ZNF879: variants seen among roughly 807,000 people sequenced by gnomAD.
The protein encoded by ZNF879 is zinc finger protein 879.
A neutral mutation model predicts 44.3 loss-of-function variants in ZNF879; 32 were observed. That is an observed-to-expected ratio of 0.72 (90% CI 0.54 to 0.97). The LOEUF (loss-of-function observed/expected upper bound fraction) is 0.97, where lower values mean the gene tolerates loss of function less well. Among genes scored for constraint, ZNF879 ranks in the 50% least tolerant of loss-of-function variants. ZNF879 has a pLI of 0.00. For missense variants in ZNF879, 621 were observed against 669.7 expected (o/e 0.93, Z 0.80); for synonymous variants, 234 against 233.2 (o/e 1.00, Z -0.03).
At chr5:179,026,083 C>CAAAAAA (rs1337124096) in intron 2 of ZNF879, among the ~76,000 whole-genome samples, 1 of 58,076 alleles carries the variant, frequency 1.7e-5, no homozygotes, top group Non-Finnish European at 3.9e-5. Flanking sequence ...GACTCCATCT[C>CAAAAAA]AAAAAAAAAA....
rs1398329376 is a variant in ZNF879 at position 179,035,006 on chromosome 5, CA to C, written c.*1367del. Reference sequence around the variant, plus strand: ...GATCATGAGGTCAGGAGATCGAGACCATCCTGGCTAACATGGTGAAACCACG... The same window carrying C: ...GATCATGAGGTCAGGAGATCGAGACCTCCTGGCTAACATGGTGAAACCACG... On this transcript the variant is annotated 3_prime_UTR_variant, in exon 5 of 5. Transcript: ENST00000444149. 1 of 149,508 alleles carries C rather than the reference CA, an allele frequency of 6.7e-6. No homozygotes were observed. The highest frequency in any genetic ancestry group is 1.5e-5 in the Non-Finnish European group (1 of 67,770). 9.3% of individuals were successfully genotyped at this position (149,508 alleles called of 1,614,324 possible). A position where few individuals can be genotyped will look rare whatever the true frequency, so the allele number is the denominator to read the frequency against.
chr5:179,027,517 C>T lies in ZNF879; in HGVS notation c.78C>T (p.Asp26=), dbSNP rs745915589. 2.9e-5 allele frequency: 47 copies of T among 1,614,118 alleles called. No individual in the cohort carries two copies. The highest frequency in any genetic ancestry group is 8.0e-5 in the African/African-American group (6 of 75,030). ...ATGTGGCCGTGTTCTTCAGCCAGGA[C>T]GAGTGGTTGCACCTGGACTCTGCCC... ...FRDVAVFFSQ[D]EWLHLDSAQR... The change falls in exon 3 of 5, where the codon GAC becomes GAT. Residue 26 remains aspartate, a synonymous_variant. Transcript: ENST00000444149.
chr5:179,032,578 G>A lies in ZNF879; in HGVS notation c.630G>A (p.Gly210=), dbSNP rs1358552477. Residue 210 remains glycine (G), a synonymous_variant, in exon 5 of 5, where the codon GGG becomes GGA. Transcript: ENST00000444149. ...AATGTTATAAATGTAATATCTGTGG[G>A]AAAATCTTCCTCCACAGTTCCTCCC... ...VRKCYKCNIC[G]KIFLHSSSLS... is the part of the protein sequence containing the mutation. 2 of 1,553,722 alleles carry A rather than the reference G, an allele frequency of 1.3e-6. No homozygotes were observed. Among genetic ancestry groups the A allele is most frequent in the South Asian group, 2.4e-5 (2 of 84,166 alleles).
chr5:179,026,482 G>A (rs889146961), intron 2 of ZNF879, among the ~76,000 whole-genome samples: 8 of 151,892 alleles, frequency 5.3e-5, no homozygotes, highest in African/African-American at 1.2e-4. Flanking sequence ...AAGATGATTC[G>A]TTTTGTTTTG....
At position 179,034,381 on chromosome 5, in the gene ZNF879, A is replaced by T. The variant is rs978747553; in HGVS notation, c.*741A>T. 3.3e-5 allele frequency: 5 copies of T among 152,244 alleles called. No homozygotes were observed. The highest frequency in any genetic ancestry group is 5.9e-5 in the Non-Finnish European group (4 of 68,046). The allele number at this position is 152,244 out of a possible 1,614,324, so 9.4% of individuals were successfully genotyped here. A position where few individuals can be genotyped will look rare whatever the true frequency, so the allele number is the denominator to read the frequency against. On this transcript the variant is annotated 3_prime_UTR_variant, in exon 5 of 5. Transcript: ENST00000444149. ...AAATTGATAAGTAAAGGTCATTCAG[A>T]CAACCACTGCTTTTGCAATTTACTG...
In ZNF879 at chr5:179,028,066, G is replaced by A. The variant is rs1228536404; in HGVS notation, c.195G>A (p.Gln65=). Residue 65 remains glutamine, a synonymous_variant, in exon 4 of 5, where the codon CAG becomes CAA. Coordinates refer to ENST00000444149, the MANE Select transcript of ZNF879 (RefSeq NM_001136116.3). ...ILFSKPKVIS[Q]LEQGEDPWMV... ...TTTCCAAGCCAAAGGTCATCTCCCA[G>A]TTAGAGCAAGGAGAAGACCCCTGGA... 2 of 1,551,554 alleles carry A rather than the reference G, an allele frequency of 1.3e-6. No homozygotes were observed. The highest frequency in any genetic ancestry group is 3.9e-5 in the Admixed American group (2 of 50,990).
intron 4 of ZNF879, among the ~76,000 whole-genome samples, chr5:179,028,574 G>A (rs6867208): frequency 0.29 from 44,597 of 151,492 alleles, 7,177 homozygotes; most frequent in African/African-American, 0.43. Flanking sequence ...TCAAAAGGGG[G>A]AAAAAAGCAG....
intron 3 of ZNF879, 61 bp downstream of exon 3, chr5:179,027,660 G>T (rs1319551846): frequency 6.3e-7 from 1 of 1,582,506 alleles, no homozygotes; most frequent in East Asian, 2.3e-5. Flanking sequence ...CCCTCAGGGG[G>T]CACATTTGGA....
In ZNF879 at chr5:179,023,907, A is replaced by T. The variant is rs991242376; in HGVS notation, c.-36+3A>T. 1 of 152,494 alleles carries T rather than the reference A, an allele frequency of 6.6e-6. No individual in the cohort carries two copies. The highest frequency in any genetic ancestry group is 1.5e-5 in the Non-Finnish European group (1 of 68,298). The allele number at this position is 152,494 out of a possible 1,614,324, so 9.4% of individuals were successfully genotyped here. A position where few individuals can be genotyped will look rare whatever the true frequency, so the allele number is the denominator to read the frequency against. On this transcript the variant is annotated splice_donor_region_variant and intron_variant, in intron 1 of 4. Coordinates refer to ENST00000444149, the MANE Select transcript of ZNF879 (RefSeq NM_001136116.3). ...GCCCCCCGCCGAGGCGGGCCCAGGT[A>T]CAGGCTGCCGGTGAGGGCGGGCCCG...
At chr5:179,028,366 CAT>C (rs769031320) in intron 4 of ZNF879, among the ~76,000 whole-genome samples, 2 of 152,176 alleles carry the variant, frequency 1.3e-5, no homozygotes. Flanking sequence ...TACAGTATAT[CAT>C]GTGTAAAGGT....
Position 179,032,252 on chromosome 5 carries a change from G to C in ZNF879, c.304G>C (p.Glu102Gln). ...CATAGTTTCTAAAGAAGAAAATCAG[G>C]AAGTCATGAAAAAACTCATAATTGA... ...GTIVSKEENQ[E>Q]VMKKLIIDGT... The change falls in exon 5 of 5, where the codon GAA becomes CAA. Residue 102 changes from glutamate to glutamine, a missense_variant. Coordinates refer to ENST00000444149, the MANE Select transcript of ZNF879 (RefSeq NM_001136116.3). 1 of 1,532,796 alleles carries C rather than the reference G, an allele frequency of 6.5e-7. No homozygotes were observed. The allele number at this position is 1,532,796 out of a possible 1,614,324, so 94.9% of individuals were successfully genotyped here. A position where few individuals can be genotyped will look rare whatever the true frequency, so the allele number is the denominator to read the frequency against.
intron 2 of ZNF879, 68 bp from the exon 3 acceptor site, chr5:179,027,403 CAG>C: frequency 6.3e-7 from 1 of 1,584,170 alleles, no homozygotes; most frequent in East Asian, 2.3e-5. Flanking sequence ...TAAGTTGTGA[CAG>C]GGTTGCTTCT....
rs1404831100 is a variant in ZNF879 at position 179,034,288 on chromosome 5, CTT to C, written c.*650_*651del. 6.7e-6 allele frequency: 1 copy of C among 149,470 alleles called. No homozygotes were observed. The highest frequency in any genetic ancestry group is 2.6e-5 in the African/African-American group (1 of 38,854). The allele number at this position is 149,470 out of a possible 1,614,324, so 9.3% of individuals were successfully genotyped here. ...AAACTCTGAGTCAGATCTAAAGTCA[CTT>C]TAAGTCACAGAACGCATGGTATTTC... is the stretch of plus-strand genomic sequence containing the variant. On this transcript the variant is annotated 3_prime_UTR_variant, in exon 5 of 5. Transcript: ENST00000444149.
rs758560350 is a variant in ZNF879, at chr5:179,034,800, T to C, written c.*1160T>C. ...CTCACAAGTCAAAATTGTTGGGCTT[T>C]ACAGAGGCTAACATCTAGTTTAGCC... On this transcript the variant is annotated 3_prime_UTR_variant, in exon 5 of 5. Coordinates refer to ENST00000444149, the MANE Select transcript of ZNF879 (RefSeq NM_001136116.3). The C allele has an allele frequency of 2.0e-5, 3 of 152,216 alleles. No individual in the cohort carries two copies. The highest frequency in any genetic ancestry group is 2.9e-5 in the Non-Finnish European group (2 of 68,048). The allele number at this position is 152,216 out of a possible 1,614,324, so 9.4% of individuals were successfully genotyped here.
rs534611531 is a variant in ZNF879, at chr5:179,034,242, T to G, written c.*602T>G. On this transcript the variant is annotated 3_prime_UTR_variant, in exon 5 of 5. Coordinates refer to ENST00000444149, the MANE Select transcript of ZNF879 (RefSeq NM_001136116.3). Reference sequence around the variant, plus strand: ...TATGCAGACGTACTGTCTTTGCGTTTTCTTCCTGACTACTTGTTCCAAACT... The same window carrying G: ...TATGCAGACGTACTGTCTTTGCGTTGTCTTCCTGACTACTTGTTCCAAACT... 4.3e-4 allele frequency: 58 copies of G among 134,570 alleles called. No homozygotes were observed. Among genetic ancestry groups the G allele is most frequent in the African/African-American group, 1.4e-3 (57 of 40,844 alleles). 8.3% of individuals were successfully genotyped at this position (134,570 alleles called of 1,614,324 possible).
At position 179,033,164 on chromosome 5, in the gene ZNF879, G is replaced by T; in HGVS notation, c.1216G>T (p.Gly406Trp). The change falls in exon 5 of 5, where the codon GGG becomes TGG. Residue 406 changes from glycine to tryptophan, a missense_variant. Transcript: ENST00000444149. ...GEKPYACKECGKAFSQSSALI... is the reference protein window; with the variant it reads ...GEKPYACKECWKAFSQSSALI... ...GAAACCATATGCATGCAAAGAATGT[G>T]GGAAAGCCTTCAGCCAAAGCTCAGC... 6.3e-7 allele frequency: 1 copy of T among 1,590,900 alleles called. No individual in the cohort carries two copies.
chr5:179,032,896 T>C lies in ZNF879; in HGVS notation c.948T>C (p.Tyr316=). The part of the protein sequence containing the change: ...HQRIHTGEKP[Y]KCNECGRAFS... ...GAATTCACACAGGAGAGAAGCCCTATAAGTGTAATGAATGTGGGAGGGCCT... is the reference window on the plus strand; with the variant it reads ...GAATTCACACAGGAGAGAAGCCCTACAAGTGTAATGAATGTGGGAGGGCCT... Residue 316 remains tyrosine, a synonymous_variant, in exon 5 of 5, where the codon TAT becomes TAC. Coordinates refer to ENST00000444149, the MANE Select transcript of ZNF879 (RefSeq NM_001136116.3). 1.3e-6 allele frequency: 2 copies of C among 1,571,066 alleles called. 1 individual carries two copies. Among genetic ancestry groups the C allele is most frequent in the East Asian group, 4.7e-5 (2 of 42,392 alleles).
At chr5:179,026,187 A>G (rs1029573430) in intron 2 of ZNF879, among the ~76,000 whole-genome samples, 9 of 152,200 alleles carry the variant, frequency 5.9e-5, no homozygotes, top group Non-Finnish European at 1.3e-4. Context: ...GCATTTCTAG[A>G]GTATGAACAA....
rs771904927 is a variant in ZNF879 at position 179,033,243 on chromosome 5, A to G, written c.1295A>G (p.Glu432Gly). ...HTGEKPYKCN[E>G]CGKAFSWISR... ...GGAGAAAAACCCTACAAATGTAATG[A>G]ATGTGGGAAAGCCTTCTCTTGGATT... The change falls in exon 5 of 5, where the codon GAA becomes GGA. Residue 432 changes from glutamate to glycine, a missense_variant. Glu to Gly is a moderately conservative substitution (Grantham distance 98, BLOSUM62 -2). Coordinates refer to ENST00000444149, the MANE Select transcript of ZNF879 (RefSeq NM_001136116.3). 4.4e-6 allele frequency: 7 copies of G among 1,591,622 alleles called. No individual in the cohort carries two copies. Among genetic ancestry groups the G allele is most frequent in the Non-Finnish European group, 6.0e-6 (7 of 1,168,712 alleles).
Sources: allele counts gnomAD v4.1 joint callset (sites outside exome capture counted in the v4.1 genomes callset), GRCh38; gene constraint gnomAD v4.1.1; transcripts MANE v1.5; gene names NCBI Gene and HGNC (gene_info 2026-07-23, HGNC 2026-07-21).